The following HEMK2 variants were observed in gnomAD, a reference collection of about 807,000 sequenced individuals.
HEMK2 encodes the protein HemK methyltransferase 2, ETF1 glutamine and histone H4 lysine.
chr21:28,784,832 T>G, the HEMK2 span, among the ~76,000 whole-genome samples: 9 of 152,012 alleles, frequency 5.9e-5, no homozygotes, highest in South Asian at 2.1e-4. Context: ...GAGCCAGGAG[T>G]GGCAACCCAC....
chr21:28,613,531 T>G, the HEMK2 span, among the ~76,000 whole-genome samples: 1 of 150,772 alleles, frequency 6.6e-6, no homozygotes, highest in African/African-American at 2.4e-5. Context: ...AATAACTTTT[T>G]CAAATTACCC....
At chr21:28,746,575 A>G in the HEMK2 span, among the ~76,000 whole-genome samples, 5 of 152,154 alleles carry the variant, frequency 3.3e-5, no homozygotes, top group African/African-American at 1.2e-4. Context: ...GTATAACTAT[A>G]CTGGAAATCA....
the HEMK2 span, among the ~76,000 whole-genome samples, chr21:28,694,891 A>T: frequency 6.6e-6 from 1 of 151,766 alleles, no homozygotes; most frequent in Admixed American, 6.6e-5. Context: ...TCAGCTACTC[A>T]GGAGGCTGAG....
At chr21:28,606,381 C>T in the HEMK2 span, among the ~76,000 whole-genome samples, 1 of 152,312 alleles carries the variant, frequency 6.6e-6, no homozygotes, top group Non-Finnish European at 1.5e-5. Flanking sequence ...TGCCCATGAG[C>T]TCCATAAAGA....
the HEMK2 span, among the ~76,000 whole-genome samples, chr21:28,740,559 G>C: frequency 6.6e-6 from 1 of 152,198 alleles, no homozygotes; most frequent in Non-Finnish European, 1.5e-5. Context: ...TTGTGGGAGA[G>C]AAAAGGTACC....
At chr21:28,770,538 A>G in the HEMK2 span, among the ~76,000 whole-genome samples, 2 of 152,146 alleles carry the variant, frequency 1.3e-5, no homozygotes, top group African/African-American at 4.8e-5. Flanking sequence ...CTCCAATGCA[A>G]CAGTGTTGGG....
the HEMK2 span, among the ~76,000 whole-genome samples, chr21:28,831,467 G>GAAAAGA: frequency 2.6e-3 from 60 of 23,480 alleles, 1 homozygote; most frequent in African/African-American, 0.011. Context: ...AAGAACGAAA[G>GAAAAGA]AAAGAAAGAA....
the HEMK2 span, among the ~76,000 whole-genome samples, chr21:28,692,315 G>A: frequency 6.6e-6 from 1 of 152,006 alleles, no homozygotes; most frequent in Non-Finnish European, 1.5e-5. Flanking sequence ...TACAATCAGG[G>A]ACAAGAAAAG....
the HEMK2 span, among the ~76,000 whole-genome samples, chr21:28,736,054 T>C: frequency 6.6e-6 from 1 of 152,158 alleles, no homozygotes; most frequent in Non-Finnish European, 1.5e-5. Context: ...TGGAAGGAGC[T>C]ACAAGGGCAC....
chr21:28,743,470 G>A, the HEMK2 span, among the ~76,000 whole-genome samples: 31 of 152,074 alleles, frequency 2.0e-4, no homozygotes, highest in Non-Finnish European at 4.0e-4. Context: ...GAAATAAGGA[G>A]TTAAATAAAG....
the HEMK2 span, among the ~76,000 whole-genome samples, chr21:28,794,321 A>G: frequency 6.6e-6 from 1 of 152,208 alleles, no homozygotes; most frequent in Non-Finnish European, 1.5e-5. Flanking sequence ...TAATCAACTA[A>G]AATTCTTCTT....
chr21:28,789,473 T>C, the HEMK2 span, among the ~76,000 whole-genome samples: 1 of 152,186 alleles, frequency 6.6e-6, no homozygotes, highest in Non-Finnish European at 1.5e-5. Context: ...GGGAAAGTTA[T>C]GAAATGTTAT....
the HEMK2 span, among the ~76,000 whole-genome samples, chr21:28,653,204 G>A: frequency 6.6e-6 from 1 of 152,056 alleles, no homozygotes; most frequent in African/African-American, 2.4e-5. Context: ...CTGGGTGAAG[G>A]CTAAAACCCT....
At chr21:28,815,017 T>C in the HEMK2 span, among the ~76,000 whole-genome samples, 1 of 152,120 alleles carries the variant, frequency 6.6e-6, no homozygotes, top group Non-Finnish European at 1.5e-5. Flanking sequence ...TAAGAAAATG[T>C]GGCACATATA....
At chr21:28,729,973 T>C in the HEMK2 span, among the ~76,000 whole-genome samples, 2 of 152,124 alleles carry the variant, frequency 1.3e-5, no homozygotes, top group African/African-American at 4.8e-5. Context: ...TCCACTTACA[T>C]CTGAGGGGCA....
At chr21:28,815,106 C>A in the HEMK2 span, among the ~76,000 whole-genome samples, 1 of 151,908 alleles carries the variant, frequency 6.6e-6, no homozygotes, top group African/African-American at 2.4e-5. Flanking sequence ...TGGAAACCAT[C>A]ATTCTCAGCA....
At chr21:28,617,366 A>G in the HEMK2 span, among the ~76,000 whole-genome samples, 1 of 152,248 alleles carries the variant, frequency 6.6e-6, no homozygotes, top group Admixed American at 6.5e-5. Context: ...AAGACCTTGC[A>G]TGACATGCTA....
At chr21:28,629,485 G>T in the HEMK2 span, among the ~76,000 whole-genome samples, 1 of 152,126 alleles carries the variant, frequency 6.6e-6, no homozygotes, top group African/African-American at 2.4e-5. Flanking sequence ...CAAAGCAAAG[G>T]CCCTAATATA....
chr21:28,642,158 A>G, the HEMK2 span, among the ~76,000 whole-genome samples: 1 of 152,198 alleles, frequency 6.6e-6, no homozygotes, highest in Non-Finnish European at 1.5e-5. Context: ...AGTCCATTAA[A>G]TGTTGAAACA....
Sources: gnomAD v4.1 joint callset for allele counts (sites outside exome capture counted in the v4.1 genomes callset) on GRCh38, gnomAD v4.1.1 for gene constraint, MANE v1.5 for transcripts, NCBI Gene and HGNC (gene_info 2026-07-23, HGNC 2026-07-21) for gene names.